The following ADAM22 variants were observed in gnomAD, a reference collection of about 807,000 sequenced individuals.
ADAM22 encodes disintegrin and metalloproteinase domain-containing protein 22.
A neutral mutation model predicts 144.6 loss-of-function variants in ADAM22; 65 were observed. That is an observed-to-expected ratio of 0.45 (90% confidence interval 0.37 to 0.55). The LOEUF is 0.55. Ranked by LOEUF, ADAM22 falls within the 20% of genes least tolerant of loss-of-function variation. The probability of loss-of-function intolerance (pLI) is 0.00; values close to 1 mark genes in which losing one functional copy is unlikely to be tolerated. For synonymous variants in ADAM22, 391 were observed against 412.6 expected, an observed-to-expected ratio of 0.95 and a Z score of 0.63; for missense variants, 974 against 1,184.9, an observed-to-expected ratio of 0.82 and a Z score of 2.61.
chr7:88,155,825 C>G lies in ADAM22; in HGVS notation c.1788-62C>G, dbSNP rs942889525. On this transcript the variant is annotated intron_variant, in intron 21 of 31. Coordinates refer to ENST00000413139, the MANE Select transcript of ADAM22 (RefSeq NM_001324418.2). The stretch of plus-strand genomic sequence containing the variant: ...AATGCTAAAATGAGAGAAGATTATT[C>G]TAACTGTACATGGTTTGCTATATAT... 1.9e-6 allele frequency: 3 copies of G among 1,552,390 alleles called. No individual in the cohort carries two copies. In the East Asian group the frequency reaches 6.9e-5, roughly 36 times the overall value.
chr7:88,161,203 AAAAC>A (rs530180971), intron 22 of ADAM22, among the ~76,000 whole-genome samples: 91 of 151,824 alleles, frequency 6.0e-4, no homozygotes, highest in African/African-American at 2.0e-3. Context: ...GAAAAAAAAA[AAAAC>A]AAGTAATGGG....
At chr7:88,114,672 G>A (rs1563248699) in intron 6 of ADAM22, 25 bp downstream of exon 6, 3 of 1,609,936 alleles carry the variant, frequency 1.9e-6, no homozygotes, top group Non-Finnish European at 2.5e-6. Context: ...TGTTTGTTGT[G>A]GCAAATGGAA....
intron 24 of ADAM22, among the ~76,000 whole-genome samples, chr7:88,166,995 C>T (rs920475919): frequency 3.9e-5 from 6 of 152,102 alleles, no homozygotes; most frequent in African/African-American, 1.4e-4. Context: ...CTGTGCATCC[C>T]ACAGAGGACC....
At chr7:88,025,990 T>G (rs903328059) in intron 3 of ADAM22, among the ~76,000 whole-genome samples, 45 of 152,140 alleles carry the variant, frequency 3.0e-4, no homozygotes, top group Admixed American at 2.9e-3. Context: ...TTTTCATTTT[T>G]TGTGTGTGTG....
At chr7:87,982,062 T>TAC (rs1255207602) in intron 3 of ADAM22, among the ~76,000 whole-genome samples, 1,355 of 108,636 alleles carry the variant, frequency 0.012, 8 homozygotes, top group Admixed American at 0.024. Context: ...TATATATATA[T>TAC]ATATATACAC....
chr7:88,160,222 G>A (rs1297381958), intron 22 of ADAM22, among the ~76,000 whole-genome samples: 1 of 152,054 alleles, frequency 6.6e-6, no homozygotes, highest in Non-Finnish European at 1.5e-5. Flanking sequence ...TCTGCAATGG[G>A]AATTACAAAA....
intron 20 of ADAM22, 107 bp from the exon 21 acceptor site, chr7:88,153,114 C>T: frequency 1.5e-6 from 1 of 673,560 alleles, no homozygotes; most frequent in South Asian, 2.0e-5. Flanking sequence ...GAATTGATAA[C>T]ACTGTAGTGA....
chr7:88,128,804 A>G (rs1563278753), intron 9 of ADAM22, 128 bp downstream of exon 9: 3 of 635,250 alleles, frequency 4.7e-6, no homozygotes, highest in Admixed American at 6.8e-5. Flanking sequence ...ATAATCAAAT[A>G]TATTTGTTAA....
chr7:88,029,324 A>T (rs1799714171), intron 3 of ADAM22, among the ~76,000 whole-genome samples: 1 of 152,088 alleles, frequency 6.6e-6, no homozygotes, highest in Non-Finnish European at 1.5e-5. Flanking sequence ...CCAACTTAAC[A>T]CTGATTGCAT....
intron 2 of ADAM22, among the ~76,000 whole-genome samples, chr7:87,950,835 C>T (rs1256954672): frequency 1.3e-5 from 2 of 149,524 alleles, no homozygotes; most frequent in Admixed American, 1.3e-4. Context: ...GCCATTCTAA[C>T]TGGTGTGAGA....
At chr7:87,953,548 A>T (rs1458181200) in intron 2 of ADAM22, among the ~76,000 whole-genome samples, 5 of 151,838 alleles carry the variant, frequency 3.3e-5, no homozygotes, top group East Asian at 1.9e-4. Flanking sequence ...TGCTGAGGAG[A>T]GCTTTACTTC....
intron 2 of ADAM22, among the ~76,000 whole-genome samples, chr7:87,975,554 A>G (rs1214660187): frequency 2.4e-4 from 37 of 152,210 alleles, no homozygotes; most frequent in Non-Finnish European, 8.8e-5. Flanking sequence ...CATTCTGTCA[A>G]TGGATTTTCT....
intron 2 of ADAM22, among the ~76,000 whole-genome samples, chr7:87,955,714 T>C (rs1846501664): frequency 6.6e-6 from 1 of 152,296 alleles, no homozygotes; most frequent in East Asian, 1.9e-4. Context: ...TTTTTGTTTG[T>C]GCCCTGCCCC....
chr7:88,102,633 A>G lies in ADAM22; in HGVS notation c.391-5543A>G, dbSNP rs535646541. 2.6e-5 allele frequency among the ~76,000 whole-genome samples: 4 copies of G among 152,228 alleles called. No individual in the cohort carries two copies. The East Asian group carries it at 7.7e-4, about 29-fold the overall frequency. ...AGAAAAACACGGAGTATTTGTTACA[A>G]TGCAGATTCTTAGGTCTTACCTCAG... On this transcript the variant is annotated intron_variant, in intron 4 of 31. Coordinates refer to ENST00000413139, the MANE Select transcript of ADAM22 (RefSeq NM_001324418.2).
chr7:87,986,293 T>A (rs1277663596), intron 3 of ADAM22, among the ~76,000 whole-genome samples: 1 of 152,206 alleles, frequency 6.6e-6, no homozygotes, highest in Non-Finnish European at 1.5e-5. Flanking sequence ...TTATAACTTC[T>A]TCTCACAGAC....
intron 4 of ADAM22, among the ~76,000 whole-genome samples, chr7:88,078,865 G>A (rs532503400): frequency 1.3e-5 from 2 of 152,298 alleles, no homozygotes; most frequent in African/African-American, 2.4e-5. Flanking sequence ...CCAAATCTAC[G>A]TCTAATTGGT....
At chr7:88,029,108 G>A (rs1799670172) in intron 3 of ADAM22, among the ~76,000 whole-genome samples, 1 of 151,778 alleles carries the variant, frequency 6.6e-6, no homozygotes, top group Non-Finnish European at 1.5e-5. Flanking sequence ...TGATAAATAA[G>A]GGCTTATTTC....
At chr7:88,086,203 A>T (rs1204941564) in intron 4 of ADAM22, among the ~76,000 whole-genome samples, 1 of 152,218 alleles carries the variant, frequency 6.6e-6, no homozygotes, top group Non-Finnish European at 1.5e-5. Context: ...ATAATGTTTT[A>T]AAAATTATCT....
intron 3 of ADAM22, among the ~76,000 whole-genome samples, chr7:88,038,523 C>T (rs544340269): frequency 8.0e-5 from 12 of 149,890 alleles, no homozygotes; most frequent in East Asian, 2.0e-4. Flanking sequence ...GGTGCGATCT[C>T]GACTCACTGC....
Sources: gnomAD v4.1 joint callset for allele counts (sites outside exome capture counted in the v4.1 genomes callset) on GRCh38, gnomAD v4.1.1 for gene constraint, MANE v1.5 for transcripts, NCBI Gene and HGNC (gene_info 2026-07-23, HGNC 2026-07-21) for gene names.